NPHP3: variants seen among roughly 807,000 people sequenced by gnomAD.
NPHP3 encodes nephrocystin-3.
In NPHP3, 123 loss-of-function variants were observed where a neutral mutation model predicts 171.9. That is an observed-to-expected ratio of 0.72 (90% CI 0.62 to 0.83). NPHP3 has a LOEUF of 0.83. Ranked by LOEUF, NPHP3 falls within the 40% of genes least tolerant of loss-of-function variation. NPHP3 has a pLI of 0.00. For missense variants in NPHP3, 1,506 were observed against 1,591.9 expected (o/e 0.95, Z 0.92); for synonymous variants, 558 against 579.2 (o/e 0.96, Z 0.52).
chr3:132,688,540 C>G (rs749100923), intron 21 of NPHP3, 110 bp downstream of exon 21: 29 of 1,177,592 alleles, frequency 2.5e-5, no homozygotes, highest in Non-Finnish European at 3.5e-5. Flanking sequence ...GAAGACTAGG[C>G]ACAGGGTAAG....
Position 132,699,344 on chromosome 3 carries a change from G to A in NPHP3, c.1985+9C>T. On this transcript the variant is annotated intron_variant, in intron 13 of 26. Coordinates refer to ENST00000337331, the MANE Select transcript of NPHP3 (RefSeq NM_153240.5). ...ATGTACTCTGAAAGAACTAAAGTTGGCATCGTACCTCCATGCTGGAGGGCA... is the reference window on the plus strand; with the variant it reads ...ATGTACTCTGAAAGAACTAAAGTTGACATCGTACCTCCATGCTGGAGGGCA... The A allele has an allele frequency of 6.3e-7, 1 of 1,581,388 alleles. No homozygotes were observed. Among genetic ancestry groups the A allele is most frequent in the Non-Finnish European group, 8.7e-7 (1 of 1,151,468 alleles).
chr3:132,713,406 T>A, intron 5 of NPHP3, 120 bp from the exon 6 acceptor site: 1 of 518,870 alleles, frequency 1.9e-6, no homozygotes, highest in South Asian at 5.2e-5. Context: ...TCTTTTCATA[T>A]AAAATTTTAA....
At chr3:132,704,448 T>A in intron 8 of NPHP3, 77 bp from the exon 9 acceptor site, 1 of 1,528,218 alleles carries the variant, frequency 6.5e-7, no homozygotes. Context: ...AGGCCCAAAG[T>A]GGGCTTCACC....
chr3:132,692,801 A>G lies in NPHP3; in HGVS notation c.2328T>C (p.Asn776=). The G allele has an allele frequency of 1.9e-6, 3 of 1,614,052 alleles. No homozygotes were observed. Among genetic ancestry groups the G allele is most frequent in the Non-Finnish European group, 2.5e-6 (3 of 1,179,916 alleles). ...ELMKQILCLV[N]VSHNGVSESE... ...ATTCACTCACACCATTGTGACTAAC[A>G]TTGACAAGGCAGAGGATCTAGGTAG... Residue 776 remains asparagine, a synonymous_variant, in exon 17 of 27, where the codon AAT becomes AAC. Coordinates refer to ENST00000337331, the MANE Select transcript of NPHP3 (RefSeq NM_153240.5).
At chr3:132,718,960 G>A (rs374751551) in intron 3 of NPHP3, 34 bp downstream of exon 3, 56 of 1,612,068 alleles carry the variant, frequency 3.5e-5, no homozygotes, top group Non-Finnish European at 4.8e-5. Flanking sequence ...CAGCCATGTT[G>A]AAAGCTCAAA....
intron 22 of NPHP3, 26 bp downstream of exon 22, chr3:132,687,125 A>G (rs773489612): frequency 1.8e-5 from 21 of 1,168,046 alleles, no homozygotes; most frequent in Non-Finnish European, 2.3e-5. Context: ...CGTTCAAAAC[A>G]CAACACAAAA....
In NPHP3 at chr3:132,686,405, A is replaced by G; in HGVS notation, c.3202-18T>C. 1 of 1,613,886 alleles carries G rather than the reference A, an allele frequency of 6.2e-7. No homozygotes were observed. The highest frequency in any genetic ancestry group is 8.5e-7 in the Non-Finnish European group (1 of 1,179,828). ...AATCCGTACTGCAGCAAACATGAAA[A>G]ATGAAAAGCAATCACTAAGTAGGTG... is the stretch of plus-strand genomic sequence containing the variant. On this transcript the variant is annotated intron_variant, in intron 22 of 26. Transcript: ENST00000337331.
At position 132,690,556 on chromosome 3, in the gene NPHP3, G is replaced by A; in HGVS notation, c.2665C>T (p.Leu889Phe). The A allele has an allele frequency of 1.2e-6, 2 of 1,613,572 alleles. No homozygotes were observed. Among genetic ancestry groups the A allele is most frequent in the Non-Finnish European group, 1.7e-6 (2 of 1,179,546 alleles). The change falls in exon 19 of 27, where the codon CTC (leucine) becomes TTC (phenylalanine). Residue 889 changes from leucine to phenylalanine, a missense_variant. By Grantham distance (22) the Leu-to-Phe change is conservative (BLOSUM62 0). This residue lies in a region of NPHP3 where 569 missense variants were observed against 648.1 expected (regional missense o/e 0.88). Coordinates refer to ENST00000337331, the MANE Select transcript of NPHP3 (RefSeq NM_153240.5). Reference sequence around the variant, plus strand: ...TTATAAAGGTTTTGAGACACAAAGAGATTAAGAAGGCAATCATGCAGCTTC... The same window carrying A: ...TTATAAAGGTTTTGAGACACAAAGAAATTAAGAAGGCAATCATGCAGCTTC... ...KQKLHDCLLNLFVSQNLYKRG... is the reference protein window; with the variant it reads ...KQKLHDCLLNFFVSQNLYKRG...
intron 24 of NPHP3, 60 bp downstream of exon 24, chr3:132,684,494 T>C (rs996735799): frequency 1.9e-6 from 3 of 1,580,410 alleles, no homozygotes; most frequent in Middle Eastern, 1.7e-4. Flanking sequence ...ATTTTGCTGA[T>C]AGTAGTTATG....
In NPHP3 at chr3:132,684,726, T is replaced by A. The variant is rs751580731; in HGVS notation, c.3398A>T (p.Asp1133Val). ...RERVLGPDHPDCAQSLNNLAA... is the reference protein window; with the variant it reads ...RERVLGPDHPVCAQSLNNLAA... The stretch of plus-strand genomic sequence containing the variant: ...CAGATTATTCAAAGACTGAGCACAG[T>A]CAGGGTGATCTGGTCCTAGAACTCG... The change falls in exon 24 of 27, where the codon GAC becomes GTC. Residue 1133 changes from aspartate (D) to valine (V), a missense_variant. By Grantham distance (152) the Asp-to-Val change is radical. Coordinates refer to ENST00000337331, the MANE Select transcript of NPHP3 (RefSeq NM_153240.5). The A allele has an allele frequency of 6.2e-7, 1 of 1,614,094 alleles. No homozygotes were observed. The highest frequency in any genetic ancestry group is 1.1e-5 in the South Asian group (1 of 91,082).
At chr3:132,693,453 T>G (rs1287180435) in intron 16 of NPHP3, 1 of 152,700 alleles carries the variant, frequency 6.5e-6, no homozygotes, top group African/African-American at 2.4e-5. Context: ...TCACCCTCAG[T>G]GAAGGGGTGC....
intron 3 of NPHP3, chr3:132,717,172 A>G (rs1940076398): frequency 2.5e-6 from 1 of 408,036 alleles, no homozygotes; most frequent in Non-Finnish European, 4.4e-6. Flanking sequence ...AAAAGAAATC[A>G]TAATAAGAAG....
intron 17 of NPHP3, among the ~76,000 whole-genome samples, chr3:132,691,613 G>A (rs936248829): frequency 3.9e-5 from 6 of 152,112 alleles, no homozygotes; most frequent in Admixed American, 3.3e-4. Context: ...GAAAAAGGCT[G>A]TGAAATTGCA....
Position 132,689,117 on chromosome 3 carries a change from T to C in NPHP3, c.2840A>G (p.Glu947Gly), listed in dbSNP as rs1939236073. ...DNMSCLADLY[E>G]TLGRFLKDLG... ...ATCCTTGAGAAATCGCCCCAAGGTTTCATAAAGATCAGCTAAGCAACTCAT... is the reference window on the plus strand; with the variant it reads ...ATCCTTGAGAAATCGCCCCAAGGTTCCATAAAGATCAGCTAAGCAACTCAT... The change falls in exon 20 of 27, where the codon GAA becomes GGA. Residue 947 changes from glutamate (E) to glycine (G), a missense_variant. Physicochemically the swap from Glu to Gly is moderately conservative, Grantham distance 98 (BLOSUM62 -2). Transcript: ENST00000337331. 1 of 1,614,044 alleles carries C rather than the reference T, an allele frequency of 6.2e-7. No individual in the cohort carries two copies. The highest frequency in any genetic ancestry group is 1.3e-5 in the African/African-American group (1 of 74,938).
chr3:132,701,625 A>G, intron 9 of NPHP3, 92 bp from the exon 10 acceptor site: 1 of 841,966 alleles, frequency 1.2e-6, no homozygotes, highest in Non-Finnish European at 2.0e-6. Context: ...AAAATACTGG[A>G]GAAAAGCTGT....
rs758323861 is a variant in NPHP3 at position 132,681,927 on chromosome 3, GA to G, written c.3975del (p.Gln1326SerfsTer10). ...TGCTGCTATTACCTTTGTCCTTGCTGAAGGAAAACATTAGGAGAATGAGCTG... is the reference window on the plus strand; with the variant it reads ...TGCTGCTATTACCTTTGTCCTTGCTGAGGAAAACATTAGGAGAATGAGCTG... ...LKTAHSPNVF[L>X]QQGQR is the part of the protein sequence containing the mutation. On this transcript the variant is annotated frameshift_variant, in exon 27 of 27. Transcript: ENST00000337331. LOFTEE classifies it high-confidence loss of function. 3.7e-6 allele frequency: 6 copies of G among 1,613,988 alleles called. No homozygotes were observed. The highest frequency in any genetic ancestry group is 5.1e-6 in the Non-Finnish European group (6 of 1,179,866).
chr3:132,688,284 C>G (rs1939210992), intron 21 of NPHP3, among the ~76,000 whole-genome samples: 1 of 152,040 alleles, frequency 6.6e-6, no homozygotes, highest in African/African-American at 2.4e-5. Flanking sequence ...GGTCCCATCC[C>G]CAAGATATCT....
intron 17 of NPHP3, 23 bp downstream of exon 17, chr3:132,692,631 A>C: frequency 1.2e-6 from 2 of 1,608,704 alleles, no homozygotes; most frequent in South Asian, 2.2e-5. Context: ...AAATAAATAA[A>C]AAGATGCCTA....
intron 7 of NPHP3, 116 bp from the exon 8 acceptor site, chr3:132,705,930 T>G: frequency 1.6e-6 from 1 of 617,262 alleles, no homozygotes; most frequent in Non-Finnish European, 3.0e-6. Context: ...TAACACATAT[T>G]AGCTAATTTA....
Sources: allele counts gnomAD v4.1 joint callset (sites outside exome capture counted in the v4.1 genomes callset), GRCh38; gene constraint gnomAD v4.1.1; regional missense constraint gnomAD v4.1.1; transcripts MANE v1.5; gene names NCBI Gene and HGNC (gene_info 2026-07-23, HGNC 2026-07-21).